Variants in TANC1 observed in about 807,000 individuals in gnomAD.
TANC1 encodes the protein protein TANC1.
TANC1 carries 77 observed loss-of-function variants against 149.7 expected under a neutral mutation model. The observed-to-expected ratio is 0.51, with a 90% confidence interval of 0.43 to 0.62. The LOEUF is 0.62. Ranked by LOEUF, TANC1 falls within the 20% of genes least tolerant of loss-of-function variation. The pLI is 0.00. For synonymous variants in TANC1, 854 were observed against 925.0 expected (o/e 0.92, Z 1.39); for missense variants, 1,985 against 2,321.8 (o/e 0.85, Z 2.98).
In TANC1 at chr2:159,125,477, C is replaced by T. The variant is rs1272098585; in HGVS notation, c.260-10717C>T. Among the ~76,000 whole-genome samples the T allele has an allele frequency of 2.0e-5, 3 of 152,274 alleles. No homozygotes were observed. The South Asian group carries it at 6.2e-4, about 32-fold the overall frequency. ...ATCAAGACGGTAGCAGGGTGGTGTT[C>T]TGTTAAGGCTCAGGGGATGAACCAC... On this transcript the variant is annotated intron_variant, in intron 4 of 26. Coordinates refer to ENST00000263635, the MANE Select transcript of TANC1 (RefSeq NM_033394.3).
chr2:159,130,374 G>A lies in TANC1; in HGVS notation c.260-5820G>A, dbSNP rs75090658. Reference sequence around the variant, plus strand: ...AATATTTCGTTTTAAACAAAAAGTTGTGAGGGGAAGGTGCTGGGCAGTAGT... The same window carrying A: ...AATATTTCGTTTTAAACAAAAAGTTATGAGGGGAAGGTGCTGGGCAGTAGT... On this transcript the variant is annotated intron_variant, in intron 4 of 26. Coordinates refer to ENST00000263635, the MANE Select transcript of TANC1 (RefSeq NM_033394.3). Among the ~76,000 whole-genome samples, 348 of 152,338 alleles carry A rather than the reference G, an allele frequency of 2.3e-3. 8 individuals are homozygous for A. In the East Asian group the frequency reaches 0.056, roughly 25 times the overall value.
chr2:159,089,015 A>G (rs1025146724), intron 3 of TANC1, among the ~76,000 whole-genome samples: 9 of 152,144 alleles, frequency 5.9e-5, no homozygotes, highest in African/African-American at 1.9e-4. Flanking sequence ...ATCAAAAGAG[A>G]AAAGATGCAA....
chr2:159,077,899 A>G (rs2043860242), intron 3 of TANC1, among the ~76,000 whole-genome samples: 2 of 152,208 alleles, frequency 1.3e-5, no homozygotes, highest in South Asian at 4.1e-4. Flanking sequence ...AAAGGTGGTA[A>G]GTTTACAATT....
intron 2 of TANC1, among the ~76,000 whole-genome samples, chr2:159,062,748 A>G (rs1317499660): frequency 6.6e-6 from 1 of 151,152 alleles, no homozygotes; most frequent in Non-Finnish European, 1.5e-5. Context: ...CGGGTGGATC[A>G]TGAGGTCAGG....
chr2:159,181,465 CTT>C (rs1011123780), intron 14 of TANC1, among the ~76,000 whole-genome samples: 15 of 152,016 alleles, frequency 9.9e-5, no homozygotes, highest in African/African-American at 3.6e-4. Flanking sequence ...ATCCGGCTAA[CTT>C]TTTGTATTTT....
At chr2:159,002,186 G>C (rs1254956909) in intron 2 of TANC1, among the ~76,000 whole-genome samples, 5 of 152,188 alleles carry the variant, frequency 3.3e-5, no homozygotes, top group Non-Finnish European at 7.3e-5. Flanking sequence ...GCGGCCGGAG[G>C]GGCTGGCGGT....
intron 3 of TANC1, among the ~76,000 whole-genome samples, chr2:159,091,866 T>A (rs1574599809): frequency 2.6e-5 from 4 of 152,062 alleles, no homozygotes; most frequent in African/African-American, 7.2e-5. Flanking sequence ...CTATAAGACA[T>A]AAAATGGCTT....
At chr2:159,057,775 A>G (rs1479547359) in intron 2 of TANC1, among the ~76,000 whole-genome samples, 1 of 152,250 alleles carries the variant, frequency 6.6e-6, no homozygotes, top group Non-Finnish European at 1.5e-5. Flanking sequence ...AAGCAGGTGT[A>G]TAAACAATTA....
intron 7 of TANC1, among the ~76,000 whole-genome samples, chr2:159,152,476 T>A (rs2052937557): frequency 6.6e-6 from 1 of 151,524 alleles, no homozygotes; most frequent in African/African-American, 2.4e-5. Context: ...TTTTTTTTTT[T>A]TTTTTTTTGC....
chr2:159,163,016 T>C (rs185141145), intron 7 of TANC1, among the ~76,000 whole-genome samples: 16 of 152,384 alleles, frequency 1.0e-4, no homozygotes, highest in African/African-American at 3.4e-4. Context: ...TTAACTCTGA[T>C]ACTTTTTAGA....
intron 4 of TANC1, among the ~76,000 whole-genome samples, chr2:159,130,375 T>G (rs2049952719): frequency 6.6e-6 from 1 of 152,182 alleles, no homozygotes; most frequent in South Asian, 2.1e-4. Flanking sequence ...CAAAAAGTTG[T>G]GAGGGGAAGG....
In TANC1 at chr2:159,176,495, G is replaced by A. The variant is rs1293158754; in HGVS notation, c.1879G>A (p.Val627Met). The A allele has an allele frequency of 6.3e-7, 1 of 1,594,926 alleles. No individual in the cohort carries two copies. The highest frequency in any genetic ancestry group is 8.5e-7 in the Non-Finnish European group (1 of 1,175,602). The change falls in exon 13 of 27, where the codon GTG becomes ATG. Residue 627 changes from valine (V) to methionine (M), a missense_variant. Val to Met is a conservative substitution (Grantham distance 21). Around this residue, in one of 3 missense-constraint regions of TANC1, gnomAD observed 508 missense variants for 714.2 expected, o/e 0.71. Transcript: ENST00000263635. ...SKFPAWLKLI[V>M]TVRANFQEII... Reference sequence around the variant, plus strand: ...ATTTCCTGCCTGGTTGAAGTTGATTGTGACTGTAAGAGCAAATTTTCAGGT... The same window carrying A: ...ATTTCCTGCCTGGTTGAAGTTGATTATGACTGTAAGAGCAAATTTTCAGGT...
rs192559416 is a variant in TANC1 at position 159,022,530 on chromosome 2, A to C, written c.-16+21341A>C. 5.9e-5 allele frequency among the ~76,000 whole-genome samples: 9 copies of C among 152,236 alleles called. No individual in the cohort carries two copies. The East Asian group carries it at 1.5e-3, about 26-fold the overall frequency. Reference sequence around the variant, plus strand: ...GGAAGCTGAGGTGGGCGATTGCTTCAGGTCAGGAGTTTGAGACCAGCCTGG... The same window carrying C: ...GGAAGCTGAGGTGGGCGATTGCTTCCGGTCAGGAGTTTGAGACCAGCCTGG... On this transcript the variant is annotated intron_variant, in intron 2 of 26. Transcript: ENST00000263635.
intron 1 of TANC1, among the ~76,000 whole-genome samples, chr2:158,991,420 T>C (rs2149276891): frequency 6.6e-6 from 1 of 152,264 alleles, no homozygotes; most frequent in Admixed American, 6.5e-5. Flanking sequence ...CCAAGAATAT[T>C]ATTTAACAAA....
chr2:159,126,767 GA>G (rs1397930156), intron 4 of TANC1, among the ~76,000 whole-genome samples: 2 of 152,230 alleles, frequency 1.3e-5, no homozygotes, highest in African/African-American at 4.8e-5. Context: ...GAAGTGTTTT[GA>G]AATAAAATTC....
chr2:159,230,426 G>C lies in TANC1; in HGVS notation c.5000G>C (p.Gly1667Ala). Residue 1667 changes from glycine (G) to alanine (A), a missense_variant, in exon 27 of 27, where the codon GGT (glycine) becomes GCT (alanine). By Grantham distance (60) the Gly-to-Ala change is moderately conservative. This residue lies in a region of TANC1 where 920 missense variants were observed against 994.7 expected (regional missense o/e 0.92). Coordinates refer to ENST00000263635, the MANE Select transcript of TANC1 (RefSeq NM_033394.3). This position sits in a 1 kb window ranked among gnomAD's most constrained non-coding sequence, Gnocchi z 4.4. ...PASLTSSGSSGSPSSSIKMSS... is the reference protein window; with the variant it reads ...PASLTSSGSSASPSSSIKMSS... Reference sequence around the variant, plus strand: ...TCCCTCACCAGCTCAGGCTCTTCTGGTTCTCCATCCAGCAGCATAAAGATG... The same window carrying C: ...TCCCTCACCAGCTCAGGCTCTTCTGCTTCTCCATCCAGCAGCATAAAGATG... 1 of 1,614,130 alleles carries C rather than the reference G, an allele frequency of 6.2e-7. No homozygotes were observed. Among genetic ancestry groups the C allele is most frequent in the Non-Finnish European group, 8.5e-7 (1 of 1,180,038 alleles).
Position 159,230,803 on chromosome 2 carries a change from A to G in TANC1, c.5377A>G (p.Ser1793Gly), listed in dbSNP as rs758410955. ...KTCSVSTLSASVHNGAQVKEL... is the reference protein window; with the variant it reads ...KTCSVSTLSAGVHNGAQVKEL... Reference sequence around the variant, plus strand: ...CTGTTCTGTTTCTACCCTGAGTGCAAGTGTCCACAATGGGGCACAAGTGAA... The same window carrying G: ...CTGTTCTGTTTCTACCCTGAGTGCAGGTGTCCACAATGGGGCACAAGTGAA... Residue 1793 changes from serine to glycine, a missense_variant, in exon 27 of 27, where the codon AGT becomes GGT. This residue lies in a region of TANC1 where 920 missense variants were observed against 994.7 expected (regional missense o/e 0.92). Transcript: ENST00000263635. This position sits in a 1 kb window ranked among gnomAD's most constrained non-coding sequence, Gnocchi z 4.4. The G allele has an allele frequency of 6.2e-6, 10 of 1,614,096 alleles. No homozygotes were observed. The highest frequency in any genetic ancestry group is 3.3e-5 in the Admixed American group (2 of 60,006).
At chr2:159,091,969 G>GTGT (rs1553545677) in intron 3 of TANC1, among the ~76,000 whole-genome samples, 2 of 145,252 alleles carry the variant, frequency 1.4e-5, no homozygotes. Flanking sequence ...TATAGGGGGG[G>GTGT]GTGTGTGTGT....
intron 3 of TANC1, among the ~76,000 whole-genome samples, chr2:159,079,917 G>C (rs541300266): frequency 4.7e-4 from 71 of 152,296 alleles, no homozygotes; most frequent in Non-Finnish European, 4.4e-5. Context: ...TAATTTATAA[G>C]AAGTGCATGG....
Sources: gnomAD v4.1 joint callset for allele counts (sites outside exome capture counted in the v4.1 genomes callset) on GRCh38, gnomAD v4.1.1 for gene constraint, gnomAD v4.1.1 regional missense constraint, Gnocchi (gnomAD v3.1) non-coding constraint, MANE v1.5 for transcripts, NCBI Gene and HGNC (gene_info 2026-07-23, HGNC 2026-07-21) for gene names.